The following C14orf39 variants were observed in gnomAD, a reference collection of about 807,000 sequenced individuals.
C14orf39 encodes the protein protein SIX6OS1.
In C14orf39, 66 loss-of-function variants were observed where a neutral mutation model predicts 85.6. The ratio of observed to expected loss-of-function variants is 0.77; its 90% CI spans 0.63 to 0.95. The LOEUF is 0.95. C14orf39 is among the 40% of genes least tolerant of loss of function. C14orf39 has a pLI of 0.00. For synonymous variants in C14orf39, 242 were observed against 214.0 expected (o/e 1.13, Z -1.14); for missense variants, 735 against 663.9 (o/e 1.11, Z -1.18).
At chr14:60,443,571 T>C (rs916950391) in intron 16 of C14orf39, among the ~76,000 whole-genome samples, 7 of 152,220 alleles carry the variant, frequency 4.6e-5, no homozygotes, top group African/African-American at 1.4e-4. Context: ...ACTGCCTCTA[T>C]AGACTCAAAC....
Position 60,442,065 on chromosome 14 carries a change from A to G in C14orf39, c.1561+9T>C. ...TGTTTTTAAAGGTAGCAAACTTCAA[A>G]CAACTTACCAATCTCTTGCTCTGAT... On this transcript the variant is annotated intron_variant, in intron 17 of 17. Transcript: ENST00000321731. 1 of 1,605,288 alleles carries G rather than the reference A, an allele frequency of 6.2e-7. No homozygotes were observed. The highest frequency in any genetic ancestry group is 1.3e-5 in the African/African-American group (1 of 74,840).
Position 60,498,243 on chromosome 14 carries a change from T to C in C14orf39, c.-9+1053A>G, listed in dbSNP as rs79927563. ...TTCTATACACAAAATAATGCACATA[T>C]TCTTTACTATATCATTAAAACTCTT... is the stretch of plus-strand genomic sequence containing the variant. On this transcript the variant is annotated intron_variant, in intron 2 of 5. Coordinates refer to the C14orf39 transcript ENST00000556799. Among the ~76,000 whole-genome samples the C allele has an allele frequency of 2.6e-5, 4 of 152,362 alleles. No homozygotes were observed. In the East Asian group the frequency reaches 7.7e-4, roughly 29 times the overall value.
At chr14:60,509,115 A>G (rs1260796253) in intron 1 of C14orf39, 6 of 492,492 alleles carry the variant, frequency 1.2e-5, no homozygotes, top group African/African-American at 2.0e-5. Flanking sequence ...GGGGGTCTCC[A>G]TGGCGCCCGC....
At chr14:60,471,839 A>G in intron 5 of C14orf39, 100 bp from the exon 6 acceptor site, 2 of 653,430 alleles carry the variant, frequency 3.1e-6, no homozygotes, top group South Asian at 4.9e-5. Flanking sequence ...GGCAAATCAA[A>G]TGTCTTCTTA....
chr14:60,506,900 A>T (rs1251403518), intron 1 of C14orf39, among the ~76,000 whole-genome samples: 1 of 152,176 alleles, frequency 6.6e-6, no homozygotes, highest in African/African-American at 2.4e-5. Context: ...CATTTCCTGG[A>T]TGGGGCCCCT....
At chr14:60,453,485 CTT>C (rs76205674) in intron 16 of C14orf39, among the ~76,000 whole-genome samples, 2 of 144,156 alleles carry the variant, frequency 1.4e-5, no homozygotes, top group Admixed American at 6.9e-5. Context: ...TTGGGTCTTG[CTT>C]TTTTTTTTTC....
intron 16 of C14orf39, among the ~76,000 whole-genome samples, chr14:60,449,322 ATTG>A (rs1160658373): frequency 2.0e-5 from 3 of 152,184 alleles, no homozygotes; most frequent in Non-Finnish European, 4.4e-5. Flanking sequence ...TCAGAAATAT[ATTG>A]TTAACATTTT....
intron 17 of C14orf39, among the ~76,000 whole-genome samples, chr14:60,438,495 C>A (rs1395592488): frequency 6.6e-6 from 1 of 152,108 alleles, no homozygotes; most frequent in East Asian, 1.9e-4. Flanking sequence ...CTTCATAAAA[C>A]TCATATGATC....
intron 17 of C14orf39, among the ~76,000 whole-genome samples, chr14:60,441,180 C>T (rs1890493898): frequency 6.6e-6 from 1 of 152,082 alleles, no homozygotes; most frequent in African/African-American, 2.4e-5. Context: ...TGTGAGACTG[C>T]ACCTGAATTA....
chr14:60,442,074 C>T lies in C14orf39; in HGVS notation c.1561G>A (p.Gly521Arg). Residue 521 changes from glycine (G) to arginine (R), a missense_variant and splice_region_variant, in exon 17 of 18, where the codon GGA becomes AGA. Transcript: ENST00000321731. ...LNPLSSEQEIGNLLEKPEGED... is the reference protein window; with the variant it reads ...LNPLSSEQEIRNLLEKPEGED... ...AGGTAGCAAACTTCAAACAACTTAC[C>T]AATCTCTTGCTCTGATGACAGAGGA... 2 of 1,607,898 alleles carry T rather than the reference C, an allele frequency of 1.2e-6. No homozygotes were observed. The highest frequency in any genetic ancestry group is 1.7e-6 in the Non-Finnish European group (2 of 1,175,282).
intron 15 of C14orf39, among the ~76,000 whole-genome samples, chr14:60,455,646 G>T (rs1489644262): frequency 6.6e-6 from 1 of 152,048 alleles, no homozygotes; most frequent in Non-Finnish European, 1.5e-5. Context: ...AATTAGACAA[G>T]ACAGTTTATA....
intron 1 of C14orf39, among the ~76,000 whole-genome samples, chr14:60,507,859 G>A (rs941765401): frequency 2.0e-5 from 3 of 152,136 alleles, no homozygotes; most frequent in African/African-American, 7.2e-5. Context: ...CGGTTTTCCT[G>A]GCGTTTTTGT....
At chr14:60,474,116 T>C (rs1350289324) in intron 5 of C14orf39, among the ~76,000 whole-genome samples, 1 of 152,222 alleles carries the variant, frequency 6.6e-6, no homozygotes. Context: ...AAGAAGTCCT[T>C]CATATCCCTT....
intron 2 of C14orf39, among the ~76,000 whole-genome samples, chr14:60,492,208 T>G (rs1893000234): frequency 6.6e-6 from 1 of 152,220 alleles, no homozygotes; most frequent in Non-Finnish European, 1.5e-5. Flanking sequence ...TGGCCTTCAG[T>G]AAAGACCTTC....
intron 1 of C14orf39, chr14:60,509,970 G>T: frequency 6.3e-7 from 1 of 1,598,638 alleles, no homozygotes; most frequent in Non-Finnish European, 8.5e-7. Flanking sequence ...GCCAAGAACA[G>T]GTCGGTACCT....
chr14:60,436,334 TTTG>T lies in C14orf39; in HGVS notation c.*508_*510del, dbSNP rs1282740660. On this transcript the variant is annotated 3_prime_UTR_variant, in exon 18 of 18. Coordinates refer to ENST00000321731, the MANE Select transcript of C14orf39 (RefSeq NM_174978.3). ...TATATTAGAAGAAAATAACACAGAT[TTTG>T]TTATTAACATAAATTATTTGAAATT... 6.6e-6 allele frequency: 1 copy of T among 152,174 alleles called. No individual in the cohort carries two copies. Among genetic ancestry groups the T allele is most frequent in the Non-Finnish European group, 1.5e-5 (1 of 68,036 alleles). 9.4% of individuals were successfully genotyped at this position (152,174 alleles called of 1,614,324 possible).
intron 2 of C14orf39, chr14:60,493,684 T>C (rs1242143065): frequency 6.6e-6 from 1 of 152,228 alleles, no homozygotes; most frequent in African/African-American, 2.4e-5. Flanking sequence ...CAATGGTGAT[T>C]GTAGGACTGC....
At chr14:60,479,471 T>C (rs1317355850) in intron 4 of C14orf39, among the ~76,000 whole-genome samples, 1 of 152,202 alleles carries the variant, frequency 6.6e-6, no homozygotes, top group Non-Finnish European at 1.5e-5. Flanking sequence ...GGATCAGTTG[T>C]ACCCCAAACC....
At chr14:60,467,635 TTCTG>T (rs1286446100) in intron 9 of C14orf39, among the ~76,000 whole-genome samples, 4 of 151,822 alleles carry the variant, frequency 2.6e-5, no homozygotes, top group African/African-American at 4.8e-5. Context: ...TAAAGTAAAA[TTCTG>T]TCTATTTACC....
Sources: allele counts gnomAD v4.1 joint callset (sites outside exome capture counted in the v4.1 genomes callset), GRCh38; gene constraint gnomAD v4.1.1; transcripts MANE v1.5; gene names NCBI Gene and HGNC (gene_info 2026-07-23, HGNC 2026-07-21).